Variants in HERC2 observed in about 807,000 individuals in gnomAD.
HERC2 encodes the protein HECT and RLD domain containing E3 ubiquitin protein ligase 2.
A neutral mutation model predicts 537.7 loss-of-function variants in HERC2; 102 were observed. That is an observed-to-expected ratio of 0.19 (90% CI 0.16 to 0.22). The LOEUF (loss-of-function observed/expected upper bound fraction) is 0.22. Among genes scored for constraint, HERC2 ranks in the 10% least tolerant of loss-of-function variants. The pLI is 1.00. For synonymous variants in HERC2, 2,224 were observed against 2,466.2 expected (o/e 0.90, Z 2.91); for missense variants, 4,236 against 6,198.2 (o/e 0.68, Z 10.63).
At chr15:28,289,195 T>A (rs146655174) in intron 4 of HERC2, among the ~76,000 whole-genome samples, 2,905 of 149,412 alleles carry the variant, frequency 0.019, 43 homozygotes, top group Middle Eastern at 0.1. Context: ...GACCTAATTA[T>A]ATGATACCTG....
chr15:28,216,632 A>C, intron 38 of HERC2, among the ~76,000 whole-genome samples: 1 of 148,708 alleles, frequency 6.7e-6, no homozygotes, highest in South Asian at 2.2e-4. Context: ...ACACACACAC[A>C]CTCACTCTCA....
intron 9 of HERC2, among the ~76,000 whole-genome samples, chr15:28,271,696 G>C (rs1294511983): frequency 6.6e-6 from 1 of 152,024 alleles, no homozygotes; most frequent in East Asian, 1.9e-4. Flanking sequence ...GCCAATAATA[G>C]AAAAATTAAA....
At chr15:28,245,566 T>TACACACACACAC (rs200862998) in intron 23 of HERC2, among the ~76,000 whole-genome samples, 2 of 119,226 alleles carry the variant, frequency 1.7e-5, no homozygotes, top group African/African-American at 5.9e-5. Context: ...AAAAAATATA[T>TACACACACACAC]ACACACACAC....
At chr15:28,133,782 A>G (rs968166140) in intron 79 of HERC2, among the ~76,000 whole-genome samples, 1 of 151,946 alleles carries the variant, frequency 6.6e-6, no homozygotes, top group South Asian at 2.1e-4. Context: ...ATTTTTCCAC[A>G]CTCATCTTGT....
At position 28,124,108 on chromosome 15, in the gene HERC2, G is replaced by C. The variant is rs1889216903; in HGVS notation, c.13117C>G (p.Leu4373Val). ...GAAGGCCCGAGTCCAGTTTCGTCGA[G>C]CGAGCCTTCCAGGTCGAACATGGGG... The part of the protein sequence containing the change: ...CIPMFDLEGS[L>V]DETGLGPSVG... The change falls in exon 85 of 93, where the codon CTC (leucine) becomes GTC (valine). Residue 4373 changes from leucine to valine, a missense_variant. By Grantham distance (32) the Leu-to-Val change is conservative. Transcript: ENST00000261609. 6.2e-7 allele frequency: 1 copy of C among 1,607,806 alleles called. No homozygotes were observed. The highest frequency in any genetic ancestry group is 1.7e-5 in the Admixed American group (1 of 59,076).
chr15:28,263,978 C>G (rs1042497869), intron 14 of HERC2, among the ~76,000 whole-genome samples: 8 of 144,874 alleles, frequency 5.5e-5, no homozygotes, highest in African/African-American at 2.1e-4. Flanking sequence ...GAGATTGCAC[C>G]ACTGCACACC....
rs1391989165 is a variant in HERC2, at chr15:28,201,445, C to A, written c.7716+11G>T. The A allele has an allele frequency of 6.6e-7, 1 of 1,515,592 alleles. No individual in the cohort carries two copies. The highest frequency in any genetic ancestry group is 1.7e-5 in the Admixed American group (1 of 59,750). The allele number at this position is 1,515,592 out of a possible 1,614,324, so 93.9% of individuals were successfully genotyped here. On this transcript the variant is annotated intron_variant, in intron 48 of 92. Transcript: ENST00000261609. ...AACGGATCGAGGCTCCAGCTTAAGA[C>A]AATTACTCACCTGAATATTCTCTCT...
At chr15:28,207,497 G>A (rs1197292448) in intron 44 of HERC2, among the ~76,000 whole-genome samples, 4 of 152,284 alleles carry the variant, frequency 2.6e-5, no homozygotes, top group South Asian at 2.1e-4. Flanking sequence ...CACATCCCAC[G>A]TGCATATTTC....
At chr15:28,163,339 A>G (rs1893808697) in intron 68 of HERC2, 54 bp from the exon 69 acceptor site, 31 of 1,514,782 alleles carry the variant, frequency 2.0e-5, no homozygotes, top group Non-Finnish European at 2.8e-5. Flanking sequence ...CTAAGAGATA[A>G]AGAGTCACCA....
Position 28,144,146 on chromosome 15 carries a change from C to A in HERC2, c.11230G>T (p.Ala3744Ser), listed in dbSNP as rs1315814960. The A allele has an allele frequency of 1.7e-5, 27 of 1,614,092 alleles. No individual in the cohort carries two copies. Among genetic ancestry groups the A allele is most frequent in the Non-Finnish European group, 2.2e-5 (26 of 1,180,046 alleles). Residue 3744 changes from alanine to serine, a missense_variant, in exon 73 of 93, where the codon GCC becomes TCC. Ala to Ser is a moderately conservative substitution (Grantham distance 99, BLOSUM62 1). Coordinates refer to ENST00000261609, the MANE Select transcript of HERC2 (RefSeq NM_004667.6). ...TCLLDFRLNL[A>S]SNRSIVPRLA... ...CGAGGGACGATGCTTCTGTTAGAGG[C>A]AAGGTTGAGTCGGAAGTCTAACAGA...
At chr15:28,173,952 GT>G (rs1193522990) in intron 65 of HERC2, among the ~76,000 whole-genome samples, 2 of 152,020 alleles carry the variant, frequency 1.3e-5, no homozygotes, top group Admixed American at 1.3e-4. Flanking sequence ...CGCTGGGGTA[GT>G]GTATGAGTTC....
At chr15:28,195,698 G>C (rs2140298552) in intron 52 of HERC2, among the ~76,000 whole-genome samples, 1 of 152,108 alleles carries the variant, frequency 6.6e-6, no homozygotes, top group African/African-American at 2.4e-5. Flanking sequence ...CAGTTAAATT[G>C]CTTAATGGGT....
At chr15:28,254,560 A>C in intron 19 of HERC2, 42 bp from the exon 20 acceptor site, 1 of 1,409,780 alleles carries the variant, frequency 7.1e-7, no homozygotes, top group South Asian at 1.3e-5. Flanking sequence ...TGATCTCATT[A>C]CCAGGTGTGA....
At position 28,269,309 on chromosome 15, in the gene HERC2, C is replaced by T. The variant is rs748913087; in HGVS notation, c.1385G>A (p.Arg462His). ...GVTQIACAEK[R>H]FLILSRNGRV... ...GCCATTGCGTGACAGAATCAGGAAA[C>T]GCTTCTCTGCACAGGCAATCTGTGT... Residue 462 changes from arginine to histidine, a missense_variant, in exon 11 of 93, where the codon CGT becomes CAT. By Grantham distance (29) the Arg-to-His change is conservative (BLOSUM62 0). This residue lies in a region of HERC2 where 491 missense variants were observed against 559.3 expected (regional missense o/e 0.88). Transcript: ENST00000261609. The T allele has an allele frequency of 4.3e-6, 7 of 1,614,190 alleles. No individual in the cohort carries two copies. In the Admixed American group the frequency reaches 5.0e-5, roughly 12 times the overall value.
chr15:28,138,183 A>C (rs1251628513), intron 78 of HERC2, among the ~76,000 whole-genome samples: 4 of 152,218 alleles, frequency 2.6e-5, no homozygotes, highest in African/African-American at 9.7e-5. Context: ...AGTGCAAGGG[A>C]AAGTAGCAAG....
chr15:28,141,972 G>C (rs1891271947), intron 76 of HERC2, 126 bp from the exon 77 acceptor site: 1 of 806,994 alleles, frequency 1.2e-6, no homozygotes, highest in Non-Finnish European at 2.0e-6. Context: ...GCAATGTTAT[G>C]GTTCATGGGC....
At chr15:28,187,827 T>C (rs1438583862) in intron 55 of HERC2, among the ~76,000 whole-genome samples, 1 of 152,180 alleles carries the variant, frequency 6.6e-6, no homozygotes, top group African/African-American at 2.4e-5. Flanking sequence ...ATGCATTTAG[T>C]GGAGTTGGTC....
intron 20 of HERC2, among the ~76,000 whole-genome samples, chr15:28,252,808 T>C (rs781342230): frequency 1.5e-4 from 23 of 152,262 alleles, no homozygotes; most frequent in Non-Finnish European, 3.4e-4. Flanking sequence ...CTAAAATCTA[T>C]GATAGAAACT....
At chr15:28,245,656 T>C (rs1317148877) in intron 23 of HERC2, among the ~76,000 whole-genome samples, 1 of 150,094 alleles carries the variant, frequency 6.7e-6, no homozygotes, top group Non-Finnish European at 1.5e-5. Context: ...TACACACTCA[T>C]ATATACACAC....
Sources: gnomAD v4.1 joint callset for allele counts (sites outside exome capture counted in the v4.1 genomes callset) on GRCh38, gnomAD v4.1.1 for gene constraint, gnomAD v4.1.1 regional missense constraint, MANE v1.5 for transcripts, NCBI Gene and HGNC (gene_info 2026-07-23, HGNC 2026-07-21) for gene names.